The following ZNF536 variants were observed in gnomAD, a reference collection of about 807,000 sequenced individuals.
ZNF536 encodes the protein zinc finger protein 536.
In ZNF536, 13 loss-of-function variants were observed where a neutral mutation model predicts 84.5. The ratio of observed to expected loss-of-function variants is 0.15; its 90% confidence interval spans 0.10 to 0.24. The LOEUF is 0.24. Among genes scored for constraint, ZNF536 ranks in the 10% least tolerant of loss-of-function variants. The pLI is 1.00. For synonymous variants in ZNF536, 811 were observed against 742.5 expected (o/e 1.09, Z -1.50); for missense variants, 1,536 against 1,747.5 (o/e 0.88, Z 2.16).
Position 30,502,117 on chromosome 19 carries a change from C to T in ZNF536, c.2171-32730C>T, listed in dbSNP as rs192132122. On this transcript the variant is annotated intron_variant, in intron 2 of 4. Transcript: ENST00000355537. ...TGACATACCCATATCTTTGCCTGAA[C>T]GACCCATCTGGTCAAATGCCAGGGA... Among the ~76,000 whole-genome samples, 256 of 152,318 alleles carry T rather than the reference C, an allele frequency of 1.7e-3. 2 individuals carry two copies. The highest frequency in any genetic ancestry group is 5.8e-3 in the African/African-American group (240 of 41,564).
At chr19:30,678,324 G>A (rs768655825) in intron 1 of ZNF536, among the ~76,000 whole-genome samples, 4 of 152,122 alleles carry the variant, frequency 2.6e-5, no homozygotes, top group Non-Finnish European at 4.4e-5. Flanking sequence ...AGCAGGGGTC[G>A]GAGAGGCTCA....
At chr19:30,347,961 G>A (rs184191746) in intron 2 of ZNF536, among the ~76,000 whole-genome samples, 12 of 152,290 alleles carry the variant, frequency 7.9e-5, no homozygotes, top group African/African-American at 2.6e-4. Flanking sequence ...ACTTCAACCC[G>A]CCACGTGGGC....
At chr19:30,398,153 CTTCTGTGTCAT>C (rs1445698884) in intron 1 of ZNF536, among the ~76,000 whole-genome samples, 1 of 152,200 alleles carries the variant, frequency 6.6e-6, no homozygotes, top group Non-Finnish European at 1.5e-5. Flanking sequence ...TACCTGGCCA[CTTCTGTGTCAT>C]TTGATCACGT....
At chr19:30,395,845 A>AT (rs2049794190) in intron 1 of ZNF536, among the ~76,000 whole-genome samples, 1 of 152,094 alleles carries the variant, frequency 6.6e-6, no homozygotes, top group South Asian at 2.1e-4. Context: ...AATAAACTTG[A>AT]TTTTTTAAGA....
At chr19:30,315,828 A>G (rs1198838060) in intron 2 of ZNF536, among the ~76,000 whole-genome samples, 1 of 152,178 alleles carries the variant, frequency 6.6e-6, no homozygotes, top group Non-Finnish European at 1.5e-5. Context: ...AAAATCATGC[A>G]TATGTATTTT....
chr19:30,415,709 C>G (rs962023813), intron 1 of ZNF536, among the ~76,000 whole-genome samples: 1 of 152,050 alleles, frequency 6.6e-6, no homozygotes, highest in Non-Finnish European at 1.5e-5. Flanking sequence ...CTCCTGGGTT[C>G]ACACCATTCT....
chr19:30,590,996 GC>G (rs2047259708), intron 1 of ZNF536, among the ~76,000 whole-genome samples: 1 of 152,230 alleles, frequency 6.6e-6, no homozygotes, highest in South Asian at 2.1e-4. Flanking sequence ...CCTGTGCATG[GC>G]CCAGATGTGT....
intron 2 of ZNF536, among the ~76,000 whole-genome samples, chr19:30,504,420 TTTCC>T (rs34403079): frequency 0.3 from 34,773 of 114,730 alleles, 7,041 homozygotes; most frequent in African/African-American, 0.57. Context: ...CTCCTCCCTC[TTTCC>T]TTCCTTCCTT....
intron 1 of ZNF536, among the ~76,000 whole-genome samples, chr19:30,241,055 C>T (rs1298069085): frequency 6.6e-6 from 1 of 152,214 alleles, no homozygotes; most frequent in Non-Finnish European, 1.5e-5. Context: ...CAGTGGCTCA[C>T]ACCTTTAATC....
intron 1 of ZNF536, among the ~76,000 whole-genome samples, chr19:30,375,792 A>G (rs2147096167): frequency 6.6e-6 from 1 of 152,174 alleles, no homozygotes; most frequent in South Asian, 2.1e-4. Flanking sequence ...TCCGTATTTG[A>G]GTGCTTACAG....
At chr19:30,439,372 A>T (rs773102339) in intron 1 of ZNF536, among the ~76,000 whole-genome samples, 2 of 152,144 alleles carry the variant, frequency 1.3e-5, no homozygotes, top group Non-Finnish European at 2.9e-5. Context: ...TAAGGTAAGG[A>T]ATAAACGCAT....
chr19:30,561,230 G>A (rs2046153130), downstream of ZNF536, among the ~76,000 whole-genome samples: 1 of 152,248 alleles, frequency 6.6e-6, no homozygotes, highest in Non-Finnish European at 1.5e-5. Flanking sequence ...TGATGGACAA[G>A]TTGCTTTTTT....
At chr19:30,374,799 C>G (rs905082529) in intron 1 of ZNF536, among the ~76,000 whole-genome samples, 3 of 151,862 alleles carry the variant, frequency 2.0e-5, no homozygotes, top group East Asian at 3.9e-4. Context: ...GAGGCCACCC[C>G]CAGCCGGCGC....
chr19:30,567,513 C>CTCA (rs2046397730), intron 1 of ZNF536, among the ~76,000 whole-genome samples: 1 of 152,136 alleles, frequency 6.6e-6, no homozygotes, highest in Admixed American at 6.5e-5. Context: ...ATTTTCCAGC[C>CTCA]TCAGGGAAAA....
At chr19:30,348,450 G>A (rs2047819714) in intron 2 of ZNF536, among the ~76,000 whole-genome samples, 1 of 152,060 alleles carries the variant, frequency 6.6e-6, no homozygotes, top group South Asian at 2.1e-4. Flanking sequence ...TACGTGCTGA[G>A]GTCCTTGAGC....
intron 2 of ZNF536, among the ~76,000 whole-genome samples, chr19:30,493,840 C>T (rs1050224229): frequency 1.3e-5 from 2 of 151,324 alleles, no homozygotes; most frequent in African/African-American, 2.4e-5. Context: ...CAGGGAGATA[C>T]GGTGTGTAAA....
At chr19:30,708,415 G>A (rs981405073) in intron 1 of ZNF536, among the ~76,000 whole-genome samples, 1 of 152,208 alleles carries the variant, frequency 6.6e-6, no homozygotes, top group Non-Finnish European at 1.5e-5. Context: ...GGTGTTTTAG[G>A]ATTGAGCCAT....
At chr19:30,268,714 G>A (rs775893055) in intron 1 of ZNF536, among the ~76,000 whole-genome samples, 1 of 152,176 alleles carries the variant, frequency 6.6e-6, no homozygotes, top group Admixed American at 6.5e-5. Context: ...CATGATTAGA[G>A]TACTTAGAGT....
chr19:30,435,391 A>T (rs537480835), intron 1 of ZNF536, among the ~76,000 whole-genome samples: 144 of 148,346 alleles, frequency 9.7e-4, no homozygotes, highest in Middle Eastern at 7.1e-3. Context: ...TGATGGTGTG[A>T]TGATGATGCT....
Sources: gnomAD v4.1 joint callset for allele counts (sites outside exome capture counted in the v4.1 genomes callset) on GRCh38, gnomAD v4.1.1 for gene constraint, MANE v1.5 for transcripts, NCBI Gene and HGNC (gene_info 2026-07-23, HGNC 2026-07-21) for gene names.